The following RNF175 variants were observed in gnomAD, a reference collection of about 807,000 sequenced individuals.
The protein encoded by RNF175 is ring finger protein 175.
RNF175 carries 38 observed loss-of-function variants against 50.0 expected under a neutral mutation model. That is an observed-to-expected ratio of 0.76 (90% CI 0.59 to 1.00). The LOEUF (loss-of-function observed/expected upper bound fraction) is 1.00, where lower values mean the gene tolerates loss of function less well. Ranked by LOEUF, RNF175 falls within the 50% of genes least tolerant of loss-of-function variation. The pLI, the probability that RNF175 is intolerant of heterozygous loss-of-function variation, is 0.00. For missense variants in RNF175, 388 were observed against 409.6 expected (o/e 0.95, Z 0.46); for synonymous variants, 155 against 146.1 (o/e 1.06, Z -0.44).
chr4:153,737,991 C>CAT (rs1325213486), intron 3 of RNF175, among the ~76,000 whole-genome samples: 6 of 152,300 alleles, frequency 3.9e-5, no homozygotes, highest in Middle Eastern at 3.4e-3. Context: ...TTGTTAGATG[C>CAT]ATACATATTA....
intron 6 of RNF175, among the ~76,000 whole-genome samples, chr4:153,718,999 G>A (rs1560771502): frequency 6.6e-6 from 1 of 152,092 alleles, no homozygotes; most frequent in Non-Finnish European, 1.5e-5. Flanking sequence ...GGATACACAT[G>A]CAGGTTTGTT....
chr4:153,738,578 T>A (rs769859244), intron 3 of RNF175, among the ~76,000 whole-genome samples: 1 of 152,224 alleles, frequency 6.6e-6, no homozygotes, highest in Non-Finnish European at 1.5e-5. Context: ...TTGATTAGTG[T>A]TAGTATGGAA....
Position 153,710,374 on chromosome 4 carries a change from C to T in RNF175, c.982G>A (p.Glu328Lys), listed in dbSNP as rs183382030. The change falls in exon 9 of 9, where the codon GAA becomes AAA. Residue 328 changes from glutamate to lysine, a missense_variant. Physicochemically the swap from Glu to Lys is moderately conservative, Grantham distance 56. Transcript: ENST00000347063. ...TGCTTCTGGGGTCTGCTGTCCTATT[C>T]CAGCCCTAGTGAATAGATAATGCCT... ...VQGIIYSLGL[E>K] The T allele has an allele frequency of 6.4e-7, 1 of 1,553,910 alleles. No homozygotes were observed. Among genetic ancestry groups the T allele is most frequent in the Admixed American group, 2.0e-5 (1 of 51,232 alleles).
At chr4:153,754,519 A>AG (rs1740467968) in intron 1 of RNF175, among the ~76,000 whole-genome samples, 1 of 152,172 alleles carries the variant, frequency 6.6e-6, no homozygotes, top group South Asian at 2.1e-4. Flanking sequence ...TCCCTGGTTT[A>AG]GGCACCGTAG....
chr4:153,753,127 A>C (rs1740379217), intron 1 of RNF175, among the ~76,000 whole-genome samples: 1 of 152,218 alleles, frequency 6.6e-6, no homozygotes, highest in Admixed American at 6.5e-5. Context: ...GGAAAGGGAC[A>C]CTGGGACACC....
intron 1 of RNF175, 147 bp downstream of exon 1, chr4:153,759,650 T>G: frequency 3.9e-6 from 2 of 508,766 alleles, no homozygotes; most frequent in South Asian, 5.8e-5. Flanking sequence ...CAGAAGGTCA[T>G]GCGTCCGTCC....
chr4:153,710,543 C>A, intron 8 of RNF175, 54 bp from the exon 9 acceptor site: 1 of 1,531,558 alleles, frequency 6.5e-7, no homozygotes, highest in South Asian at 1.2e-5. Context: ...CAGAAATATT[C>A]ATAAATGTCA....
rs1430401733 is a variant in RNF175, at chr4:153,715,540, G to A, written c.753C>T (p.Ser251=). The A allele has an allele frequency of 8.1e-6, 13 of 1,597,318 alleles. No homozygotes were observed. In the East Asian group the frequency reaches 2.7e-4, roughly 33 times the overall value. The change falls in exon 7 of 9, where the codon TCC becomes TCT. Residue 251 remains serine (S), a synonymous_variant. Transcript: ENST00000347063. Reference sequence around the variant, plus strand: ...TTTGAAAAGGATACACATGATTACAGGAAAGCTGGTAGGTGTTTTCAATGA... The same window carrying A: ...TTTGAAAAGGATACACATGATTACAAGAAAGCTGGTAGGTGTTTTCAATGA... ...EGLIENTYQL[S]CNHVFHEFCI...
At chr4:153,750,244 A>G (rs17299034) in intron 2 of RNF175, among the ~76,000 whole-genome samples, 26,742 of 152,222 alleles carry the variant, frequency 0.18, 3,086 homozygotes, top group Non-Finnish European at 0.25. Flanking sequence ...TGTACCACCC[A>G]GAAAACACCA....
chr4:153,748,366 G>T, intron 3 of RNF175: 1 of 315,402 alleles, frequency 3.2e-6, no homozygotes, highest in Non-Finnish European at 5.8e-6. Context: ...GAGCTGTTCT[G>T]CATTGGAGGA....
chr4:153,748,791 A>C lies in RNF175; in HGVS notation c.105-5T>G. 4 of 1,611,108 alleles carry C rather than the reference A, an allele frequency of 2.5e-6. No individual in the cohort carries two copies. The highest frequency in any genetic ancestry group is 3.4e-6 in the Non-Finnish European group (4 of 1,178,558). On this transcript the variant is annotated splice_region_variant and splice_polypyrimidine_tract_variant and intron_variant, in intron 2 of 8. Transcript: ENST00000347063. The stretch of plus-strand genomic sequence containing the variant: ...TACATCCTCTCCTGCTGCAGGCTGG[A>C]ACCAGCAAAATGAGGTCATCTGAAA...
In RNF175 at chr4:153,752,858, A is replaced by G. The variant is rs547939503; in HGVS notation, c.67-1383T>C. ...AAAGGGCAAAGTACATGAATGAGAAATTCACGAATTGAGATATACAAATGA... is the reference window on the plus strand; with the variant it reads ...AAAGGGCAAAGTACATGAATGAGAAGTTCACGAATTGAGATATACAAATGA... On this transcript the variant is annotated intron_variant, in intron 1 of 8. Transcript: ENST00000347063. Among the ~76,000 whole-genome samples the G allele has an allele frequency of 4.6e-5, 7 of 152,334 alleles. No individual in the cohort carries two copies. The East Asian group carries it at 7.7e-4, about 17-fold the overall frequency.
At position 153,740,815 on chromosome 4, in the gene RNF175, A is replaced by G. The variant is rs570251960; in HGVS notation, c.246+7830T>C. ...TTTGGTTGAAAAGCAGACATGATGT[A>G]TTGAGTAATAGAAGCTGAGATAAAC... On this transcript the variant is annotated intron_variant, in intron 3 of 8. Transcript: ENST00000347063. 1.2e-3 allele frequency among the ~76,000 whole-genome samples: 186 copies of G among 152,278 alleles called. 1 individual carries two copies. Among genetic ancestry groups the G allele is most frequent in the African/African-American group, 4.4e-3 (183 of 41,550 alleles).
rs567043745 is a variant in RNF175, at chr4:153,729,788, AAC to A, written c.247-1429_247-1428del. The A allele has an allele frequency of 1.9e-4, 186 of 985,306 alleles. No individual in the cohort carries two copies. The African/African-American group carries it at 3.2e-3, about 17-fold the overall frequency. The allele number at this position is 985,306 out of a possible 1,614,324, so 61.0% of individuals were successfully genotyped here. Reference sequence around the variant, plus strand: ...TATCATAGATATGCACTTAAACAAAAACACACACGGAGCAAGTCTGAGGTGAG... The same window carrying A: ...TATCATAGATATGCACTTAAACAAAAACACACGGAGCAAGTCTGAGGTGAG... On this transcript the variant is annotated intron_variant, in intron 3 of 8. Coordinates refer to ENST00000347063, the MANE Select transcript of RNF175 (RefSeq NM_173662.4).
chr4:153,721,962 A>C (rs1243881668), intron 5 of RNF175, among the ~76,000 whole-genome samples: 1 of 152,236 alleles, frequency 6.6e-6, no homozygotes, highest in East Asian at 1.9e-4. Flanking sequence ...AAGTTTTATG[A>C]AATGCTTATA....
intron 1 of RNF175, among the ~76,000 whole-genome samples, chr4:153,754,431 C>T (rs530887256): frequency 2.9e-4 from 44 of 152,174 alleles, no homozygotes; most frequent in African/African-American, 1.0e-3. Flanking sequence ...TTGGAAATCC[C>T]GAGTCTGAAA....
chr4:153,739,664 A>G (rs1739544356), intron 3 of RNF175, among the ~76,000 whole-genome samples: 1 of 152,210 alleles, frequency 6.6e-6, no homozygotes, highest in African/African-American at 2.4e-5. Flanking sequence ...CTCTGGATAT[A>G]GAATCCTAGA....
Position 153,723,536 on chromosome 4 carries a change from A to G in RNF175, c.402-78T>C, listed in dbSNP as rs549874563. The G allele has an allele frequency of 8.8e-6, 6 of 684,422 alleles. No individual in the cohort carries two copies. The African/African-American group carries it at 1.1e-4, about 12-fold the overall frequency. The allele number at this position is 684,422 out of a possible 1,614,324, so 42.4% of individuals were successfully genotyped here. On this transcript the variant is annotated intron_variant, in intron 4 of 8. Transcript: ENST00000347063. ...GGGAGAAACACAGTAATATTATAAAATATTTTGTCTTTTTCAAAGACTTAT... is the reference window on the plus strand; with the variant it reads ...GGGAGAAACACAGTAATATTATAAAGTATTTTGTCTTTTTCAAAGACTTAT...
Position 153,715,570 on chromosome 4 carries a change from T to C in RNF175, c.723A>G (p.Glu241=), listed in dbSNP as rs1179257333. The C allele has an allele frequency of 6.2e-7, 1 of 1,612,202 alleles. No homozygotes were observed. Among genetic ancestry groups the C allele is most frequent in the Non-Finnish European group, 8.5e-7 (1 of 1,179,130 alleles). ...GQKIIVELDE[E]GLIENTYQLS... The stretch of plus-strand genomic sequence containing the variant: ...GCTGGTAGGTGTTTTCAATGAGCCC[T>C]TCTTCATCAAGCTCCACAATGATCT... The change falls in exon 7 of 9, where the codon GAA becomes GAG. Residue 241 remains glutamate, a synonymous_variant. Coordinates refer to ENST00000347063, the MANE Select transcript of RNF175 (RefSeq NM_173662.4).
Sources: gnomAD v4.1 joint callset for allele counts (sites outside exome capture counted in the v4.1 genomes callset) on GRCh38, gnomAD v4.1.1 for gene constraint, MANE v1.5 for transcripts, NCBI Gene and HGNC (gene_info 2026-07-23, HGNC 2026-07-21) for gene names.